RIC1: variants seen among roughly 807,000 people sequenced by gnomAD.
The protein encoded by RIC1 is RIC1 partner of RAB6A GEF complex.
In RIC1, 88 loss-of-function variants were observed where a neutral mutation model predicts 169.0. The observed-to-expected ratio is 0.52, with a 90% CI of 0.44 to 0.62. The LOEUF is 0.62. RIC1 is among the 20% of genes least tolerant of loss of function. The pLI is 0.00. For missense variants in RIC1, 1,877 were observed against 1,725.5 expected, an observed-to-expected ratio of 1.09 and a Z score of -1.56; for synonymous variants, 790 against 601.5, an observed-to-expected ratio of 1.31 and a Z score of -4.59.
intron 21 of RIC1, among the ~76,000 whole-genome samples, chr9:5,766,005 C>T (rs1241665335): frequency 6.6e-6 from 1 of 152,108 alleles, no homozygotes; most frequent in African/African-American, 2.4e-5. Context: ...TAGTTTCTGC[C>T]CCTTTTTCTG....
chr9:5,760,973 C>A (rs1213897340), intron 17 of RIC1, among the ~76,000 whole-genome samples: 1 of 152,076 alleles, frequency 6.6e-6, no homozygotes, highest in Non-Finnish European at 1.5e-5. Flanking sequence ...GTTTATATAG[C>A]ATGTATAGCA....
chr9:5,758,628 C>T (rs746033791), intron 17 of RIC1, among the ~76,000 whole-genome samples: 11 of 151,656 alleles, frequency 7.3e-5, no homozygotes, highest in African/African-American at 2.7e-4. Context: ...CCTCAAACCT[C>T]TCTGTCATCT....
At chr9:5,712,370 G>A (rs779376986) in intron 3 of RIC1, among the ~76,000 whole-genome samples, 14 of 152,052 alleles carry the variant, frequency 9.2e-5, no homozygotes, top group East Asian at 1.9e-4. Flanking sequence ...GAGCTTCTGC[G>A]CAGCAAAAGA....
At chr9:5,685,694 A>C (rs992023784) in intron 2 of RIC1, among the ~76,000 whole-genome samples, 106 of 151,256 alleles carry the variant, frequency 7.0e-4, no homozygotes, top group African/African-American at 2.4e-3. Flanking sequence ...CCTAGGCATT[A>C]CCATTCAGGA....
chr9:5,656,574 A>G lies in RIC1; in HGVS notation c.145-9A>G. 1 of 1,396,146 alleles carries G rather than the reference A, an allele frequency of 7.2e-7. No homozygotes were observed. Among genetic ancestry groups the G allele is most frequent in the Non-Finnish European group, 9.7e-7 (1 of 1,036,148 alleles). 86.5% of individuals were successfully genotyped at this position (1,396,146 alleles called of 1,614,324 possible). On this transcript the variant is annotated splice_polypyrimidine_tract_variant and intron_variant, in intron 1 of 25. Transcript: ENST00000414202. Reference sequence around the variant, plus strand: ...AAAATACAACTTTTTTTTTTTTTTAATCACACAGCCTAGTGTGTTAATTGT... The same window carrying G: ...AAAATACAACTTTTTTTTTTTTTTAGTCACACAGCCTAGTGTGTTAATTGT...
chr9:5,712,756 G>A (rs1481339300), intron 3 of RIC1: 1 of 152,176 alleles, frequency 6.6e-6, no homozygotes, highest in Non-Finnish European at 1.5e-5. Context: ...CAGTTTAAAT[G>A]TGACTCCTAT....
At chr9:5,637,701 G>C (rs550065877) in intron 1 of RIC1, among the ~76,000 whole-genome samples, 1 of 152,312 alleles carries the variant, frequency 6.6e-6, no homozygotes, top group South Asian at 2.1e-4. Context: ...AAATAAGTGA[G>C]AACATGCGAT....
At chr9:5,659,446 A>G (rs1300733372) in intron 2 of RIC1, among the ~76,000 whole-genome samples, 1 of 152,182 alleles carries the variant, frequency 6.6e-6, no homozygotes, top group Non-Finnish European at 1.5e-5. Context: ...AACATCCATC[A>G]TAATGTCGTA....
chr9:5,699,884 G>A (rs1472255154), intron 3 of RIC1, among the ~76,000 whole-genome samples: 2 of 152,084 alleles, frequency 1.3e-5, no homozygotes, highest in Non-Finnish European at 2.9e-5. Context: ...AAGACAAATT[G>A]TCTACAGAAT....
In RIC1 at chr9:5,754,981, A is replaced by G. The variant is rs376748896; in HGVS notation, c.1692+51A>G. 25 of 1,178,020 alleles carry G rather than the reference A, an allele frequency of 2.1e-5. No individual in the cohort carries two copies. In the African/African-American group the frequency reaches 3.8e-4, roughly 18 times the overall value. The allele number at this position is 1,178,020 out of a possible 1,614,324, so 73.0% of individuals were successfully genotyped here. On this transcript the variant is annotated intron_variant, in intron 15 of 25. Coordinates refer to ENST00000414202, the MANE Select transcript of RIC1 (RefSeq NM_020829.4). The stretch of plus-strand genomic sequence containing the variant: ...AGATTTTTATATTTTAAAGCTATTA[A>G]GCATGAATTAATTTTATATAGAAAA...
chr9:5,693,870 T>A (rs952821585), intron 3 of RIC1, among the ~76,000 whole-genome samples: 2 of 151,770 alleles, frequency 1.3e-5, no homozygotes, highest in Non-Finnish European at 2.9e-5. Context: ...ATTACCCTCT[T>A]TTTTGTTAGA....
chr9:5,767,506 T>C (rs1208368547), intron 21 of RIC1, among the ~76,000 whole-genome samples: 1 of 150,164 alleles, frequency 6.7e-6, no homozygotes, highest in East Asian at 1.9e-4. Flanking sequence ...CAGGACAACA[T>C]GAACATATGT....
Position 5,642,295 on chromosome 9 carries a change from C to G in RIC1, c.144+12842C>G, listed in dbSNP as rs924642440. On this transcript the variant is annotated intron_variant, in intron 1 of 25. Coordinates refer to ENST00000414202, the MANE Select transcript of RIC1 (RefSeq NM_020829.4). ...CTAGGGATGTGTTCATGCGTTGATG[C>G]AAGCACCCCTGTTGCCACCACCACT... 1.4e-5 allele frequency among the ~76,000 whole-genome samples: 2 copies of G among 144,518 alleles called. 1 individual carries two copies. The highest frequency in any genetic ancestry group is 3.0e-5 in the Non-Finnish European group (2 of 67,206). The allele number at this position is 144,518 out of a possible 152,430, so 94.8% of individuals were successfully genotyped here.
chr9:5,726,002 T>G (rs1035349771), intron 6 of RIC1, among the ~76,000 whole-genome samples: 2 of 152,230 alleles, frequency 1.3e-5, no homozygotes, highest in Non-Finnish European at 2.9e-5. Context: ...ATAAGTGTGA[T>G]GTGGTGCTGA....
intron 1 of RIC1, among the ~76,000 whole-genome samples, chr9:5,650,976 C>T (rs1818769721): frequency 6.6e-6 from 1 of 152,080 alleles, no homozygotes; most frequent in African/African-American, 2.4e-5. Context: ...CAGGATGCAG[C>T]CTGTTAAGAG....
chr9:5,666,363 A>T (rs944385752), intron 2 of RIC1, among the ~76,000 whole-genome samples: 7 of 151,966 alleles, frequency 4.6e-5, no homozygotes, highest in African/African-American at 1.7e-4. Context: ...CTGTGGTCTG[A>T]TTTGGATGCC....
In RIC1 at chr9:5,668,864, G is replaced by T. The variant is rs1338147868; in HGVS notation, c.252+12174G>T. On this transcript the variant is annotated intron_variant, in intron 2 of 25. Coordinates refer to ENST00000414202, the MANE Select transcript of RIC1 (RefSeq NM_020829.4). ...TTAAGAGTGTTGATTTAATGTCTCA[G>T]ATTAATAATTCAAATGTCTGGGCTT... is the stretch of plus-strand genomic sequence containing the variant. Among the ~76,000 whole-genome samples the T allele has an allele frequency of 2.6e-5, 4 of 152,186 alleles. No individual in the cohort carries two copies. The South Asian group carries it at 8.3e-4, about 32-fold the overall frequency.
chr9:5,670,739 T>A (rs1296024621), intron 2 of RIC1, among the ~76,000 whole-genome samples: 1 of 152,198 alleles, frequency 6.6e-6, no homozygotes, highest in Non-Finnish European at 1.5e-5. Flanking sequence ...ACAGAGGAAT[T>A]GCAATAGAGA....
chr9:5,714,321 A>G (rs921720971), intron 4 of RIC1, among the ~76,000 whole-genome samples: 5 of 152,174 alleles, frequency 3.3e-5, no homozygotes, highest in African/African-American at 1.2e-4. Context: ...ACACAAGTTG[A>G]GGAAAAGAGA....
Sources: allele counts gnomAD v4.1 joint callset (sites outside exome capture counted in the v4.1 genomes callset), GRCh38; gene constraint gnomAD v4.1.1; transcripts MANE v1.5; gene names NCBI Gene and HGNC (gene_info 2026-07-23, HGNC 2026-07-21).